Variants in RNF185 observed in about 807,000 individuals in gnomAD.
RNF185 encodes the protein ring finger protein 185, also known as E3 ubiquitin-protein ligase RNF185.
In RNF185, 13 loss-of-function variants were observed where a neutral mutation model predicts 24.9. That is an observed-to-expected ratio of 0.52 (90% CI 0.34 to 0.83). The LOEUF (loss-of-function observed/expected upper bound fraction) is 0.83. Ranked by LOEUF, RNF185 falls within the 40% of genes least tolerant of loss-of-function variation. The pLI, the probability that RNF185 is intolerant of heterozygous loss-of-function variation, is 0.01. For synonymous variants in RNF185, 79 were observed against 90.3 expected (o/e 0.88, Z 0.71); for missense variants, 184 against 244.7 (o/e 0.75, Z 1.65).
intron 2 of RNF185, among the ~76,000 whole-genome samples, chr22:31,189,908 A>G (rs1268419610): frequency 6.6e-6 from 1 of 151,764 alleles, no homozygotes; most frequent in Non-Finnish European, 1.5e-5. Context: ...TTTTTTTTTT[A>G]AAGGCAGAAT....
At chr22:31,170,174 G>A (rs1254070837) in intron 1 of RNF185, among the ~76,000 whole-genome samples, 1 of 151,838 alleles carries the variant, frequency 6.6e-6, no homozygotes, top group East Asian at 1.9e-4. Flanking sequence ...ACAGTGATGT[G>A]GTTTTTTGTT....
intron 1 of RNF185, among the ~76,000 whole-genome samples, chr22:31,167,547 A>G (rs1924001715): frequency 6.6e-6 from 1 of 151,748 alleles, no homozygotes; most frequent in African/African-American, 2.4e-5. Context: ...TATTTCTAAT[A>G]AGATTCTAAT....
intron 1 of RNF185, among the ~76,000 whole-genome samples, chr22:31,177,242 A>AT (rs1454193764): frequency 2.6e-5 from 4 of 151,814 alleles, no homozygotes; most frequent in African/African-American, 9.7e-5. Context: ...GACTGAAAAA[A>AT]AAGTTTTATT....
At chr22:31,190,101 G>T (rs1411208219) in intron 2 of RNF185, among the ~76,000 whole-genome samples, 1 of 152,196 alleles carries the variant, frequency 6.6e-6, no homozygotes, top group Non-Finnish European at 1.5e-5. Flanking sequence ...AAGGTATTCA[G>T]CCACAGCGTG....
chr22:31,191,060 A>T (rs927505785), intron 2 of RNF185, among the ~76,000 whole-genome samples: 1 of 152,188 alleles, frequency 6.6e-6, no homozygotes, highest in East Asian at 1.9e-4. Flanking sequence ...GTGTAAGTAC[A>T]CTCTGTGATG....
rs552825595 is a variant in RNF185, at chr22:31,204,733, C to T, written c.*147C>T. On this transcript the variant is annotated 3_prime_UTR_variant, in exon 7 of 7. Coordinates refer to ENST00000326132, the MANE Select transcript of RNF185 (RefSeq NM_152267.4). ...AAGGAGTCTTGTTTCTTCATCAGAG[C>T]TTTGGAACTCGAGACCAGTTGGCGA... The T allele has an allele frequency of 4.6e-5, 28 of 606,842 alleles. No homozygotes were observed. The highest frequency in any genetic ancestry group is 7.7e-5 in the Non-Finnish European group (26 of 335,972). The allele number at this position is 606,842 out of a possible 1,614,324, so 37.6% of individuals were successfully genotyped here.
intron 3 of RNF185, among the ~76,000 whole-genome samples, chr22:31,193,677 C>T (rs768673145): frequency 4.6e-5 from 7 of 151,788 alleles, no homozygotes; most frequent in African/African-American, 7.2e-5. Context: ...GCCTATAGTC[C>T]GAGCTACTAG....
At chr22:31,173,250 TAA>T (rs35621856) in intron 1 of RNF185, among the ~76,000 whole-genome samples, 37 of 148,776 alleles carry the variant, frequency 2.5e-4, no homozygotes, top group African/African-American at 5.2e-4. Flanking sequence ...GGGTAATACT[TAA>T]AAAAAAAAAA....
chr22:31,182,287 T>G (rs1004537369), intron 1 of RNF185, among the ~76,000 whole-genome samples: 1 of 151,764 alleles, frequency 6.6e-6, no homozygotes, highest in Non-Finnish European at 1.5e-5. Context: ...AATTTTTTAT[T>G]TTTATTTATT....
intron 6 of RNF185, among the ~76,000 whole-genome samples, chr22:31,203,985 G>T (rs1392553319): frequency 1.3e-5 from 2 of 150,468 alleles, no homozygotes; most frequent in Non-Finnish European, 3.0e-5. Flanking sequence ...AGGTTGCAGT[G>T]AGCCGAGATC....
Position 31,187,195 on chromosome 22 carries a change from A to G in RNF185, c.101A>G (p.Asp34Gly). Residue 34 changes from aspartate (D) to glycine (G), a missense_variant, in exon 2 of 7, where the codon GAC (aspartate) becomes GGC (glycine). Coordinates refer to ENST00000326132, the MANE Select transcript of RNF185 (RefSeq NM_152267.4). The stretch of plus-strand genomic sequence containing the variant: ...GGCGCTGGCGAGAGCGGAGGGCAGG[A>G]CAGCACTTTCGAGTGCAACATCTGC... ...SNGAGESGGQ[D>G]STFECNICLD... The G allele has an allele frequency of 6.2e-7, 1 of 1,614,100 alleles. No individual in the cohort carries two copies. The highest frequency in any genetic ancestry group is 2.2e-5 in the East Asian group (1 of 44,876).
chr22:31,173,623 C>G (rs773347653), intron 1 of RNF185, among the ~76,000 whole-genome samples: 2 of 152,112 alleles, frequency 1.3e-5, no homozygotes, highest in African/African-American at 2.4e-5. Flanking sequence ...GGCAAGTGAC[C>G]TAACTACTCT....
chr22:31,192,648 C>T (rs745787387), intron 2 of RNF185, 36 bp from the exon 3 acceptor site: 4 of 1,606,098 alleles, frequency 2.5e-6, no homozygotes, highest in South Asian at 1.1e-5. Flanking sequence ...TTTTCTCCTT[C>T]TCCTTGATGA....
intron 1 of RNF185, among the ~76,000 whole-genome samples, chr22:31,162,633 A>G (rs1277037392): frequency 6.8e-6 from 1 of 146,282 alleles, no homozygotes; most frequent in Admixed American, 6.9e-5. Context: ...TTTTTTTTTT[A>G]ATTGAAGCAC....
intron 4 of RNF185, among the ~76,000 whole-genome samples, chr22:31,196,712 T>A (rs11089491): frequency 0.33 from 50,150 of 152,064 alleles, 10,257 homozygotes; most frequent in African/African-American, 0.57. Flanking sequence ...CTGGTGAATA[T>A]CTCATAACGA....
At chr22:31,180,137 GTAT>G (rs2048019723) in intron 1 of RNF185, among the ~76,000 whole-genome samples, 1 of 152,038 alleles carries the variant, frequency 6.6e-6, no homozygotes, top group South Asian at 2.1e-4. Context: ...GAAATTTTAT[GTAT>G]TATTATTCTT....
intron 1 of RNF185, among the ~76,000 whole-genome samples, chr22:31,184,145 T>A (rs1474356843): frequency 6.7e-6 from 1 of 148,934 alleles, no homozygotes; most frequent in Non-Finnish European, 1.5e-5. Flanking sequence ...GCAGAGACGC[T>A]CCTCACTTCC....
At chr22:31,200,271 T>G (rs988134193) in intron 5 of RNF185, among the ~76,000 whole-genome samples, 4 of 152,102 alleles carry the variant, frequency 2.6e-5, no homozygotes, top group African/African-American at 9.7e-5. Flanking sequence ...ATGGGAGCAT[T>G]GCTTGAGCCT....
At position 31,184,025 on chromosome 22, in the gene RNF185, C is replaced by A. The variant is rs560541574; in HGVS notation, c.-48-3022C>A. 7.3e-5 allele frequency among the ~76,000 whole-genome samples: 11 copies of A among 150,282 alleles called. No individual in the cohort carries two copies. The Middle Eastern group carries it at 9.6e-3, about 131-fold the overall frequency. On this transcript the variant is annotated intron_variant, in intron 1 of 6. Transcript: ENST00000326132. ...TGGCCGGGCGGGGGCTGCCCCCCCCCACCTCCCGGACGGGGCGGCTGGCCG... is the reference window on the plus strand; with the variant it reads ...TGGCCGGGCGGGGGCTGCCCCCCCCAACCTCCCGGACGGGGCGGCTGGCCG...
Sources: gnomAD v4.1 joint callset for allele counts (sites outside exome capture counted in the v4.1 genomes callset) on GRCh38, gnomAD v4.1.1 for gene constraint, MANE v1.5 for transcripts, NCBI Gene and HGNC (gene_info 2026-07-23, HGNC 2026-07-21) for gene names.